The following ARIH1 variants were observed in gnomAD, a reference collection of about 807,000 sequenced individuals.
The protein encoded by ARIH1 is E3 ubiquitin-protein ligase ARIH1.
In ARIH1, 8 loss-of-function variants were observed where a neutral mutation model predicts 85.0. The observed-to-expected ratio is 0.09, with a 90% confidence interval of 0.06 to 0.17. The LOEUF (loss-of-function observed/expected upper bound fraction) is 0.17. Among genes scored for constraint, ARIH1 ranks in the 10% least tolerant of loss-of-function variants. The pLI, the probability that ARIH1 is intolerant of heterozygous loss-of-function variation, is 1.00. For missense variants in ARIH1, 311 were observed against 718.1 expected, an observed-to-expected ratio of 0.43 and a Z score of 6.48; for synonymous variants, 238 against 253.6, an observed-to-expected ratio of 0.94 and a Z score of 0.59.
intron 5 of ARIH1, among the ~76,000 whole-genome samples, chr15:72,558,227 A>G (rs1408563021): frequency 6.6e-6 from 1 of 152,082 alleles, no homozygotes; most frequent in Non-Finnish European, 1.5e-5. Context: ...TAGTTTGTTG[A>G]TAGTTTTTAT....
intron 3 of ARIH1, among the ~76,000 whole-genome samples, chr15:72,547,319 G>A (rs539270684): frequency 1.5e-4 from 22 of 151,146 alleles, no homozygotes; most frequent in Non-Finnish European, 7.4e-5. Flanking sequence ...TGCAGCCTGC[G>A]CCTCCTGGGT....
At chr15:72,574,756 AG>A (rs2064262428) in intron 11 of ARIH1, among the ~76,000 whole-genome samples, 1 of 152,140 alleles carries the variant, frequency 6.6e-6, no homozygotes, top group Non-Finnish European at 1.5e-5. Context: ...TTAAATGAGT[AG>A]GTATAACTGT....
chr15:72,585,188 C>T lies in ARIH1; in HGVS notation c.*1896C>T, dbSNP rs1438592504. 6.6e-6 allele frequency: 1 copy of T among 152,068 alleles called. No individual in the cohort carries two copies. Among genetic ancestry groups the T allele is most frequent in the Non-Finnish European group, 1.5e-5 (1 of 68,006 alleles). 9.4% of individuals were successfully genotyped at this position (152,068 alleles called of 1,614,324 possible). A position where few individuals can be genotyped will look rare whatever the true frequency, so the allele number is the denominator to read the frequency against. Reference sequence around the variant, plus strand: ...CCCATCAAAAATCAGTGAATGTTTGCTGAGTATAAATGCTGCTTCCTTAAA... The same window carrying T: ...CCCATCAAAAATCAGTGAATGTTTGTTGAGTATAAATGCTGCTTCCTTAAA... On this transcript the variant is annotated 3_prime_UTR_variant, in exon 14 of 14. Transcript: ENST00000379887.
intron 2 of ARIH1, among the ~76,000 whole-genome samples, chr15:72,530,693 G>GC (rs2064052617): frequency 6.6e-6 from 1 of 152,160 alleles, no homozygotes; most frequent in African/African-American, 2.4e-5. Context: ...TCACCAGGGA[G>GC]CTGTCATTCA....
chr15:72,566,701 G>T (rs2140434211), intron 8 of ARIH1, 96 bp downstream of exon 8: 1 of 1,069,308 alleles, frequency 9.4e-7, no homozygotes, highest in Non-Finnish European at 1.3e-6. Flanking sequence ...TCTATCTATT[G>T]ATAGATTTTT....
intron 8 of ARIH1, 82 bp from the exon 9 acceptor site, chr15:72,567,024 C>A: frequency 9.7e-7 from 1 of 1,025,972 alleles, no homozygotes; most frequent in South Asian, 1.5e-5. Flanking sequence ...TACATTTAAG[C>A]TTGACTATAG....
At chr15:72,530,326 G>T (rs1407822793) in intron 2 of ARIH1, among the ~76,000 whole-genome samples, 1 of 152,218 alleles carries the variant, frequency 6.6e-6, no homozygotes, top group Non-Finnish European at 1.5e-5. Flanking sequence ...TGCTCTAGCA[G>T]TGTATGTTGA....
intron 10 of ARIH1, among the ~76,000 whole-genome samples, chr15:72,570,988 G>A (rs1282187131): frequency 1.3e-5 from 2 of 151,914 alleles, no homozygotes; most frequent in African/African-American, 4.8e-5. Flanking sequence ...AATTAGCCAG[G>A]CGTGGTGGCG....
At chr15:72,499,535 G>A (rs1009042359) in intron 1 of ARIH1, among the ~76,000 whole-genome samples, 1 of 151,988 alleles carries the variant, frequency 6.6e-6, no homozygotes, top group African/African-American at 2.4e-5. Context: ...TTATTAGTTC[G>A]CTTATAGCTT....
Position 72,528,281 on chromosome 15 carries a change from A to G in ARIH1, c.443+10147A>G, listed in dbSNP as rs116965425. ...TAATTATACTTGGACAGGTATAATT[A>G]AAGAATCCTGAAGAAGGATTTCAGT... On this transcript the variant is annotated intron_variant, in intron 2 of 13. Coordinates refer to ENST00000379887, the MANE Select transcript of ARIH1 (RefSeq NM_005744.5). 5.6e-3 allele frequency among the ~76,000 whole-genome samples: 854 copies of G among 152,318 alleles called. 6 individuals carry two copies. The highest frequency in any genetic ancestry group is 8.7e-3 in the Non-Finnish European group (595 of 68,022).
intron 2 of ARIH1, among the ~76,000 whole-genome samples, chr15:72,526,913 A>G (rs960471470): frequency 1.3e-5 from 2 of 150,220 alleles, no homozygotes; most frequent in Non-Finnish European, 3.0e-5. Context: ...TGTTTTACAA[A>G]CTAAATAGAA....
chr15:72,572,292 TA>T, intron 11 of ARIH1, 127 bp downstream of exon 11: 3 of 644,108 alleles, frequency 4.7e-6, no homozygotes, highest in Non-Finnish European at 7.8e-6. Flanking sequence ...GGCTGGAGTA[TA>T]GTGGCATGAT....
intron 1 of ARIH1, among the ~76,000 whole-genome samples, chr15:72,492,340 G>A (rs899268293): frequency 6.6e-6 from 1 of 152,136 alleles, no homozygotes; most frequent in African/African-American, 2.4e-5. Flanking sequence ...GAATAGCACC[G>A]TGAAACTGTT....
At chr15:72,482,839 CTT>C (rs34753101) in intron 1 of ARIH1, among the ~76,000 whole-genome samples, 5 of 132,154 alleles carry the variant, frequency 3.8e-5, no homozygotes, top group African/African-American at 1.1e-4. Context: ...CTCTCTCTCT[CTT>C]TTTTTTTTTT....
chr15:72,579,145 T>C (rs1296931989), intron 11 of ARIH1, among the ~76,000 whole-genome samples: 1 of 152,192 alleles, frequency 6.6e-6, no homozygotes, highest in Non-Finnish European at 1.5e-5. Context: ...ACAAATTGGA[T>C]TTAATTGATA....
rs75629167 is a variant in ARIH1, at chr15:72,525,753, T to C, written c.443+7619T>C. ...TTGGAAAATGAAAAGAAACATGGAA[T>C]GTAAGTAGTTGTAGCTTCGGTGACC... On this transcript the variant is annotated intron_variant, in intron 2 of 13. Transcript: ENST00000379887. 7.8e-4 allele frequency among the ~76,000 whole-genome samples: 118 copies of C among 152,180 alleles called. No individual in the cohort carries two copies. In the East Asian group the frequency reaches 0.013, roughly 17 times the overall value.
rs139571353 is a variant in ARIH1 at position 72,569,741 on chromosome 15, A to G, written c.1027-436A>G. Among the ~76,000 whole-genome samples, 68 of 152,326 alleles carry G rather than the reference A, an allele frequency of 4.5e-4. 1 individual carries two copies. Among genetic ancestry groups the G allele is most frequent in the Middle Eastern group, 3.4e-3 (1 of 294 alleles). On this transcript the variant is annotated intron_variant, in intron 9 of 13. Transcript: ENST00000379887. ...TATGAATAGAATGCTTTTATCTCCT[A>G]TAGTACTGTTATTACTATATATATG... is the stretch of plus-strand genomic sequence containing the variant.
intron 11 of ARIH1, among the ~76,000 whole-genome samples, chr15:72,576,936 A>G (rs188860844): frequency 3.0e-4 from 46 of 152,074 alleles, no homozygotes; most frequent in Admixed American, 1.3e-3. Flanking sequence ...AACATAGTCA[A>G]TTAACACATA....
Position 72,596,932 on chromosome 15 carries a change from GGTTTTTTCT to G in ARIH1, c.*13650_*13658del, listed in dbSNP as rs1436393370. The G allele has an allele frequency of 2.0e-5, 3 of 151,412 alleles. No individual in the cohort carries two copies. The highest frequency in any genetic ancestry group is 4.4e-5 in the Non-Finnish European group (3 of 67,848). The allele number at this position is 151,412 out of a possible 1,614,324, so 9.4% of individuals were successfully genotyped here. On this transcript the variant is annotated 3_prime_UTR_variant, in exon 14 of 14. Transcript: ENST00000379887. ...AGCATTTTAATCAGTTATTTTATTG[GGTTTTTTCT>G]GTTTTTTCTTTCATTTTTAATCAGT...
Sources: gnomAD v4.1 joint callset for allele counts (sites outside exome capture counted in the v4.1 genomes callset) on GRCh38, gnomAD v4.1.1 for gene constraint, MANE v1.5 for transcripts, NCBI Gene and HGNC (gene_info 2026-07-23, HGNC 2026-07-21) for gene names.